NRG2: variants seen among roughly 807,000 people sequenced by gnomAD.
NRG2 encodes neuregulin 2.
In NRG2, 27 loss-of-function variants were observed where a neutral mutation model predicts 73.9. The observed-to-expected ratio is 0.37, with a 90% CI of 0.27 to 0.50. NRG2 has a LOEUF of 0.50. Ranked by LOEUF, NRG2 falls within the 20% of genes least tolerant of loss-of-function variation. The pLI is 0.96. For synonymous variants in NRG2, 532 were observed against 541.0 expected, an observed-to-expected ratio of 0.98 and a Z score of 0.23; for missense variants, 1,126 against 1,210.1, an observed-to-expected ratio of 0.93 and a Z score of 1.03.
chr5:139,983,993 G>A (rs1217482222), intron 1 of NRG2, among the ~76,000 whole-genome samples: 1 of 152,160 alleles, frequency 6.6e-6, no homozygotes, highest in African/African-American at 2.4e-5. Context: ...CCCATTCACA[G>A]AAATGTCTCA....
Position 139,894,016 on chromosome 5 carries a change from A to C in NRG2, c.701-6505T>G, listed in dbSNP as rs1177750770. Among the ~76,000 whole-genome samples the C allele has an allele frequency of 6.6e-6, 1 of 152,162 alleles. No individual in the cohort carries two copies. Among genetic ancestry groups the C allele is most frequent in the Non-Finnish European group, 1.5e-5 (1 of 68,014 alleles). ...CATTAAAGATAGCGACAACAGCAAC[A>C]ACAACCAGGACTGCTCTCTTCCCAC... On this transcript the variant is annotated intron_variant, in intron 1 of 9. Transcript: ENST00000361474. This position sits in a 1 kb window ranked among gnomAD's most constrained non-coding sequence, Gnocchi z 5.0.
At chr5:139,901,484 C>T (rs1764887528) in intron 1 of NRG2, among the ~76,000 whole-genome samples, 1 of 152,150 alleles carries the variant, frequency 6.6e-6, no homozygotes, top group South Asian at 2.1e-4. Context: ...GATACATGCA[C>T]ATGAGCATAT....
intron 1 of NRG2, among the ~76,000 whole-genome samples, chr5:139,945,460 T>C (rs1354869296): frequency 6.6e-6 from 1 of 152,144 alleles, no homozygotes; most frequent in African/African-American, 2.4e-5. Context: ...CAGTTGGCTG[T>C]AAATATGTGG....
intron 1 of NRG2, among the ~76,000 whole-genome samples, chr5:139,951,180 C>G (rs1754170148): frequency 1.3e-5 from 2 of 152,224 alleles, no homozygotes; most frequent in Admixed American, 6.5e-5. Context: ...TACACATTTG[C>G]TGGATATGTG....
chr5:139,878,831 C>A (rs928826546), intron 3 of NRG2, among the ~76,000 whole-genome samples: 2 of 152,136 alleles, frequency 1.3e-5, no homozygotes, highest in African/African-American at 4.8e-5. Context: ...GCTCAGACAC[C>A]CTCCCTGCTG....
intron 1 of NRG2, among the ~76,000 whole-genome samples, chr5:140,022,693 T>A (rs1202124580): frequency 4.6e-5 from 7 of 152,218 alleles, no homozygotes; most frequent in Admixed American, 4.6e-4. Context: ...AAGATGATAC[T>A]AACAGTATTT....
At chr5:139,991,758 G>T (rs1338219202) in intron 1 of NRG2, among the ~76,000 whole-genome samples, 3 of 152,098 alleles carry the variant, frequency 2.0e-5, no homozygotes, top group Non-Finnish European at 4.4e-5. Flanking sequence ...CAGGGTTCCA[G>T]TTTCGCTTTT....
In NRG2 at chr5:139,957,024, C is replaced by A. The variant is rs1358759154; in HGVS notation, c.701-69513G>T. Among the ~76,000 whole-genome samples the A allele has an allele frequency of 3.3e-5, 5 of 152,180 alleles. No homozygotes were observed. In the East Asian group the frequency reaches 9.6e-4, roughly 29 times the overall value. Reference sequence around the variant, plus strand: ...CTTTGAAAGGAACATCTGGCTGATTCCAGATGTGGAACCAGATGTGAGAAA... The same window carrying A: ...CTTTGAAAGGAACATCTGGCTGATTACAGATGTGGAACCAGATGTGAGAAA... On this transcript the variant is annotated intron_variant, in intron 1 of 9. Coordinates refer to ENST00000361474, the MANE Select transcript of NRG2 (RefSeq NM_004883.3).
intron 1 of NRG2, among the ~76,000 whole-genome samples, chr5:139,939,247 T>TTCCTTCCTTC (rs1561694683): frequency 9.5e-4 from 121 of 126,964 alleles, no homozygotes; most frequent in Middle Eastern, 4.0e-3. Flanking sequence ...TTCCTTCCTT[T>TTCCTTCCTTC]CTTTCTTTCT....
At chr5:139,921,570 C>G (rs1751666696) in intron 1 of NRG2, among the ~76,000 whole-genome samples, 1 of 152,044 alleles carries the variant, frequency 6.6e-6, no homozygotes, top group Non-Finnish European at 1.5e-5. Context: ...AAAAAAGAAT[C>G]TAGACACAGG....
At chr5:139,875,487 T>C (rs982468730) in intron 3 of NRG2, among the ~76,000 whole-genome samples, 1 of 152,166 alleles carries the variant, frequency 6.6e-6, no homozygotes, top group Non-Finnish European at 1.5e-5. Flanking sequence ...TCTTATTCTT[T>C]GGGGGAAAAA....
At chr5:139,863,549 T>C (rs1214917088) in intron 5 of NRG2, among the ~76,000 whole-genome samples, 1 of 152,156 alleles carries the variant, frequency 6.6e-6, no homozygotes, top group East Asian at 1.9e-4. Context: ...GCTCTGCTGC[T>C]CTGATTCAGG....
At chr5:139,981,447 G>A (rs1342385297) in intron 1 of NRG2, among the ~76,000 whole-genome samples, 2 of 152,220 alleles carry the variant, frequency 1.3e-5, no homozygotes, top group East Asian at 1.9e-4. Context: ...TCCTTAACCC[G>A]CCATGCTGGC....
At chr5:139,945,413 T>C (rs1753733126) in intron 1 of NRG2, among the ~76,000 whole-genome samples, 1 of 152,192 alleles carries the variant, frequency 6.6e-6, no homozygotes, top group East Asian at 1.9e-4. Context: ...AAGATGTCTT[T>C]TCCCCAAAGA....
intron 1 of NRG2, among the ~76,000 whole-genome samples, chr5:139,918,617 G>A (rs994116183): frequency 8.5e-5 from 13 of 152,142 alleles, no homozygotes; most frequent in African/African-American, 2.9e-4. Flanking sequence ...TCAGTCACTA[G>A]AACACTGAGA....
chr5:139,862,179 C>T (rs1053793717), intron 5 of NRG2, among the ~76,000 whole-genome samples: 6 of 152,288 alleles, frequency 3.9e-5, no homozygotes, highest in Non-Finnish European at 5.9e-5. Context: ...GCCCTTTAAG[C>T]GTTTTCTTCT....
In NRG2 at chr5:139,904,378, C is replaced by T; in HGVS notation, c.701-16867G>A. On this transcript the variant is annotated intron_variant, in intron 1 of 9. Transcript: ENST00000361474. This position sits in a 1 kb window ranked among gnomAD's most constrained non-coding sequence, Gnocchi z 6.0. ...GTGCTTCTTGCCGCGGCCGCGGCCC[C>T]TCCTCCTGGACTCCGACATTCTGCA... 1 of 1,581,336 alleles carries T rather than the reference C, an allele frequency of 6.3e-7. No individual in the cohort carries two copies. Among genetic ancestry groups the T allele is most frequent in the Non-Finnish European group, 8.5e-7 (1 of 1,170,540 alleles).
intron 1 of NRG2, chr5:140,019,695 T>G (rs1041826956): frequency 6.6e-6 from 1 of 152,182 alleles, no homozygotes; most frequent in Non-Finnish European, 1.5e-5. Flanking sequence ...GGTTCTTAGA[T>G]GCAAAATTGG....
intron 1 of NRG2, among the ~76,000 whole-genome samples, chr5:140,018,465 T>C (rs265146): frequency 0.23 from 34,293 of 151,986 alleles, 4,047 homozygotes; most frequent in African/African-American, 0.28. Context: ...GACACAACGG[T>C]ATCTGATTTA....
Sources: allele counts gnomAD v4.1 joint callset (sites outside exome capture counted in the v4.1 genomes callset), GRCh38; gene constraint gnomAD v4.1.1; non-coding constraint Gnocchi (gnomAD v3.1); transcripts MANE v1.5; gene names NCBI Gene and HGNC (gene_info 2026-07-23, HGNC 2026-07-21).